The following LARP4 variants were observed in gnomAD, a reference collection of about 807,000 sequenced individuals.
The protein encoded by LARP4 is La ribonucleoprotein 4.
Under a neutral mutation model 92.9 loss-of-function variants are expected in LARP4, and 29 were observed. That is an observed-to-expected ratio of 0.31 (90% confidence interval 0.23 to 0.43). The LOEUF (loss-of-function observed/expected upper bound fraction) is 0.43, where lower values mean the gene tolerates loss of function less well. Ranked by LOEUF, LARP4 falls within the 20% of genes least tolerant of loss-of-function variation. The pLI, the probability that LARP4 is intolerant of heterozygous loss-of-function variation, is 1.00. For missense variants in LARP4, 732 were observed against 860.0 expected (o/e 0.85, Z 1.86); for synonymous variants, 279 against 284.1 (o/e 0.98, Z 0.18).
chr12:50,441,095 G>A (rs1285885607), intron 7 of LARP4, among the ~76,000 whole-genome samples: 1 of 151,994 alleles, frequency 6.6e-6, no homozygotes, highest in African/African-American at 2.4e-5. Flanking sequence ...ATATTGGTCA[G>A]GCCGGTCTCA....
intron 10 of LARP4, among the ~76,000 whole-genome samples, chr12:50,459,134 G>T (rs777733111): frequency 6.6e-6 from 1 of 152,120 alleles, no homozygotes; most frequent in African/African-American, 2.4e-5. Flanking sequence ...GAATAGCTGG[G>T]ATTACAGGTG....
chr12:50,422,403 A>G (rs2136835510), intron 1 of LARP4, among the ~76,000 whole-genome samples: 1 of 152,282 alleles, frequency 6.6e-6, no homozygotes, highest in East Asian at 1.9e-4. Flanking sequence ...ATGTGAAAGC[A>G]TTTTCCAGTT....
chr12:50,411,046 G>T (rs1030141773), intron 1 of LARP4, among the ~76,000 whole-genome samples: 2 of 152,166 alleles, frequency 1.3e-5, no homozygotes, highest in African/African-American at 4.8e-5. Flanking sequence ...AAACAACTTA[G>T]GGTGGTCCAG....
intron 8 of LARP4, among the ~76,000 whole-genome samples, chr12:50,442,724 G>A (rs1454836721): frequency 6.6e-6 from 1 of 152,174 alleles, no homozygotes; most frequent in Non-Finnish European, 1.5e-5. Context: ...ATGAGATAGT[G>A]CTTTTGTTTT....
chr12:50,445,017 G>A (rs892769994), intron 8 of LARP4, among the ~76,000 whole-genome samples: 12 of 69,672 alleles, frequency 1.7e-4, no homozygotes, highest in African/African-American at 6.1e-4. Context: ...ACCCACCCCC[G>A]GCCCGAGTTA....
At chr12:50,448,192 A>T (rs1338846561) in intron 8 of LARP4, among the ~76,000 whole-genome samples, 1 of 152,130 alleles carries the variant, frequency 6.6e-6, no homozygotes. Context: ...AATTTTGGCA[A>T]AATGGACATA....
chr12:50,458,562 G>GAGTCAGGAA (rs1954768293), intron 10 of LARP4, among the ~76,000 whole-genome samples: 1 of 152,166 alleles, frequency 6.6e-6, no homozygotes, highest in African/African-American at 2.4e-5. Context: ...CTTATTCCTA[G>GAGTCAGGAA]AGTCAGGAAT....
intron 1 of LARP4, chr12:50,415,938 C>T (rs976740278): frequency 4.0e-5 from 6 of 151,784 alleles, no homozygotes; most frequent in Non-Finnish European, 7.4e-5. Flanking sequence ...AACTCCTAAG[C>T]TCAAGTGATC....
intron 1 of LARP4, among the ~76,000 whole-genome samples, chr12:50,416,135 G>A (rs1414955927): frequency 4.6e-5 from 7 of 152,188 alleles, no homozygotes; most frequent in Admixed American, 4.6e-4. Context: ...AATGGCAGCA[G>A]GGTTGGTCAG....
At chr12:50,467,155 AC>A (rs1385488971) in intron 13 of LARP4, 35 bp downstream of exon 13, 1 of 1,533,142 alleles carries the variant, frequency 6.5e-7, no homozygotes, top group Non-Finnish European at 8.9e-7. Flanking sequence ...ACCTTATGAG[AC>A]CATATTTAGG....
At chr12:50,412,596 G>T (rs1334968364) in intron 1 of LARP4, 1 of 169,916 alleles carries the variant, frequency 5.9e-6, no homozygotes, top group East Asian at 1.9e-4. Flanking sequence ...GAATTTGATG[G>T]TTCTCTTTTT....
intron 1 of LARP4, among the ~76,000 whole-genome samples, chr12:50,415,130 G>A (rs1472552873): frequency 1.3e-5 from 2 of 152,134 alleles, no homozygotes; most frequent in African/African-American, 4.8e-5. Context: ...TTGAATCCCA[G>A]AGGTGGAGGT....
chr12:50,433,726 A>G (rs958778464), intron 4 of LARP4, among the ~76,000 whole-genome samples: 10 of 148,512 alleles, frequency 6.7e-5, no homozygotes, highest in Non-Finnish European at 1.2e-4. Flanking sequence ...TGCAACCTCT[A>G]CCTCCCGGGT....
At chr12:50,401,646 C>G (rs970412669) in intron 1 of LARP4, among the ~76,000 whole-genome samples, 2 of 152,104 alleles carry the variant, frequency 1.3e-5, no homozygotes. Context: ...ACCGCTTTGA[C>G]CTTTTGTAAA....
At chr12:50,454,271 TA>T in intron 9 of LARP4, 42 bp from the exon 10 acceptor site, 2 of 1,470,126 alleles carry the variant, frequency 1.4e-6, no homozygotes, top group Non-Finnish European at 1.9e-6. Flanking sequence ...CACCAGATTT[TA>T]CCTTTGCCAT....
At chr12:50,403,242 A>G (rs922080119) in intron 1 of LARP4, among the ~76,000 whole-genome samples, 10 of 152,210 alleles carry the variant, frequency 6.6e-5, no homozygotes, top group African/African-American at 2.2e-4. Flanking sequence ...TTGAGGAAGT[A>G]AGTACCTAAG....
chr12:50,406,845 T>A (rs188776081), intron 1 of LARP4, among the ~76,000 whole-genome samples: 3 of 151,172 alleles, frequency 2.0e-5, no homozygotes, highest in African/African-American at 7.3e-5. Context: ...ACCTCCCCAG[T>A]ATAGCTGGGA....
intron 1 of LARP4, among the ~76,000 whole-genome samples, chr12:50,425,161 A>G (rs1042879548): frequency 6.6e-6 from 1 of 152,180 alleles, no homozygotes; most frequent in African/African-American, 2.4e-5. Flanking sequence ...AGGAAGAAAA[A>G]AAAAACTACC....
chr12:50,464,010 C>T (rs758905662), intron 12 of LARP4, among the ~76,000 whole-genome samples: 11 of 152,140 alleles, frequency 7.2e-5, no homozygotes, highest in Non-Finnish European at 1.3e-4. Flanking sequence ...GGAAGTTCGT[C>T]ATCTCTATCT....
Sources: gnomAD v4.1 joint callset for allele counts (sites outside exome capture counted in the v4.1 genomes callset) on GRCh38, gnomAD v4.1.1 for gene constraint, MANE v1.5 for transcripts, NCBI Gene and HGNC (gene_info 2026-07-23, HGNC 2026-07-21) for gene names.